The following SGCZ variants were observed in gnomAD, a reference collection of about 807,000 sequenced individuals.
The protein encoded by SGCZ is sarcoglycan zeta.
SGCZ carries 40 observed loss-of-function variants against 41.3 expected under a neutral mutation model. The observed-to-expected ratio is 0.97, with a 90% CI of 0.75 to 1.26. The LOEUF is 1.26. Among genes scored for constraint, SGCZ ranks in the 50% most tolerant of loss-of-function variants. The probability of loss-of-function intolerance (pLI) is 0.00; values close to 1 mark genes in which losing one functional copy is unlikely to be tolerated. For missense variants in SGCZ, 552 were observed against 369.8 expected (o/e 1.49, Z -4.04); for synonymous variants, 206 against 137.5 (o/e 1.50, Z -3.49).
intron 1 of SGCZ, among the ~76,000 whole-genome samples, chr8:14,792,417 C>T (rs1380599190): frequency 2.0e-5 from 3 of 152,068 alleles, no homozygotes; most frequent in African/African-American, 4.8e-5. Context: ...TCTTTAGAAA[C>T]ATCAACTCTC....
chr8:14,401,820 G>A (rs1231284101), intron 2 of SGCZ, among the ~76,000 whole-genome samples: 1 of 150,766 alleles, frequency 6.6e-6, no homozygotes, highest in Non-Finnish European at 1.5e-5. Context: ...GGATGGCTGG[G>A]TCAAATGGTA....
chr8:14,608,076 C>T (rs1032648239), intron 1 of SGCZ, among the ~76,000 whole-genome samples: 7 of 152,098 alleles, frequency 4.6e-5, no homozygotes, highest in Non-Finnish European at 7.4e-5. Context: ...ATCCTTACTC[C>T]TATGTCCCTT....
At chr8:14,242,945 C>T (rs1798943543) in intron 3 of SGCZ, among the ~76,000 whole-genome samples, 1 of 152,128 alleles carries the variant, frequency 6.6e-6, no homozygotes, top group Admixed American at 6.5e-5. Context: ...CTAAAAGAAA[C>T]ATCTTATACT....
chr8:14,957,414 T>C (rs1800825428), intron 1 of SGCZ, among the ~76,000 whole-genome samples: 1 of 152,086 alleles, frequency 6.6e-6, no homozygotes, highest in Admixed American at 6.6e-5. Flanking sequence ...ATAAAACTTA[T>C]GGTAAATATA....
At chr8:15,028,267 C>T (rs936539507) in intron 1 of SGCZ, among the ~76,000 whole-genome samples, 6 of 152,084 alleles carry the variant, frequency 3.9e-5, no homozygotes, top group Admixed American at 2.6e-4. Flanking sequence ...CCGTAGCTTT[C>T]GTGAAGGCTA....
Position 14,308,582 on chromosome 8 carries a change from C to G in SGCZ, c.336+15521G>C, listed in dbSNP as rs11991414. On this transcript the variant is annotated intron_variant, in intron 3 of 7. Transcript: ENST00000382080. ...CTTTATACTGCTTGTGTTTGTTTTTCTATGATTTTATTTAAGAAACAATGC... is the reference window on the plus strand; with the variant it reads ...CTTTATACTGCTTGTGTTTGTTTTTGTATGATTTTATTTAAGAAACAATGC... Among the ~76,000 whole-genome samples, 396 of 151,762 alleles carry G rather than the reference C, an allele frequency of 2.6e-3. 3 individuals carry two copies. The highest frequency in any genetic ancestry group is 9.1e-3 in the African/African-American group (376 of 41,404).
chr8:14,346,558 T>A (rs1186548192), intron 2 of SGCZ, among the ~76,000 whole-genome samples: 2 of 152,054 alleles, frequency 1.3e-5, no homozygotes, highest in African/African-American at 2.4e-5. Context: ...TTAGAAATAT[T>A]TTAAAAGTAG....
chr8:14,597,838 A>G lies in SGCZ; in HGVS notation c.40-42912T>C, dbSNP rs183622637. Among the ~76,000 whole-genome samples, 474 of 152,296 alleles carry G rather than the reference A, an allele frequency of 3.1e-3. 4 individuals carry two copies. Among genetic ancestry groups the G allele is most frequent in the African/African-American group, 0.01 (419 of 41,560 alleles). On this transcript the variant is annotated intron_variant, in intron 1 of 7. Coordinates refer to ENST00000382080, the MANE Select transcript of SGCZ (RefSeq NM_139167.4). ...GACTCAACCATGAGCACCACAATGTATAACAGTAGAACTGTACAGTCATGT... is the reference window on the plus strand; with the variant it reads ...GACTCAACCATGAGCACCACAATGTGTAACAGTAGAACTGTACAGTCATGT...
intron 1 of SGCZ, among the ~76,000 whole-genome samples, chr8:14,705,593 G>C (rs1403785642): frequency 6.6e-6 from 1 of 151,854 alleles, no homozygotes; most frequent in African/African-American, 2.4e-5. Flanking sequence ...TATTTTCCTA[G>C]AGAATTATTA....
At chr8:14,413,272 G>C (rs1799409273) in intron 2 of SGCZ, among the ~76,000 whole-genome samples, 1 of 151,938 alleles carries the variant, frequency 6.6e-6, no homozygotes, top group Non-Finnish European at 1.5e-5. Context: ...AAAGGGTACA[G>C]GTTATTCTCA....
chr8:14,546,080 G>A (rs556562831), intron 2 of SGCZ, among the ~76,000 whole-genome samples: 2 of 152,268 alleles, frequency 1.3e-5, no homozygotes, highest in East Asian at 3.9e-4. Flanking sequence ...AGAAAATCAT[G>A]AGGAGCTGCA....
intron 1 of SGCZ, among the ~76,000 whole-genome samples, chr8:14,609,377 A>C (rs1450770033): frequency 6.6e-6 from 1 of 152,196 alleles, no homozygotes; most frequent in Non-Finnish European, 1.5e-5. Flanking sequence ...GTTTCCAAGT[A>C]ATCTATCTGT....
intron 1 of SGCZ, among the ~76,000 whole-genome samples, chr8:14,721,452 C>T (rs1809884552): frequency 6.6e-6 from 1 of 152,180 alleles, no homozygotes; most frequent in Non-Finnish European, 1.5e-5. Flanking sequence ...GTAAAGGCAA[C>T]TTTGTCCTTC....
intron 1 of SGCZ, among the ~76,000 whole-genome samples, chr8:14,666,617 G>A (rs1435798549): frequency 1.3e-5 from 2 of 151,066 alleles, no homozygotes; most frequent in Non-Finnish European, 2.9e-5. Context: ...AACTGAGAAG[G>A]AGAGCACAAG....
chr8:14,702,680 G>C (rs1585194151), intron 1 of SGCZ, among the ~76,000 whole-genome samples: 1 of 151,488 alleles, frequency 6.6e-6, no homozygotes, highest in Admixed American at 6.6e-5. Flanking sequence ...GGTCACTGAT[G>C]ACTTTCTCTC....
intron 1 of SGCZ, among the ~76,000 whole-genome samples, chr8:15,017,784 G>A (rs1424711331): frequency 1.3e-5 from 2 of 152,172 alleles, no homozygotes; most frequent in African/African-American, 4.8e-5. Flanking sequence ...GGGATTTCAG[G>A]TGTGAGCCGT....
chr8:14,344,107 T>C (rs1802807481), intron 2 of SGCZ, among the ~76,000 whole-genome samples: 1 of 152,104 alleles, frequency 6.6e-6, no homozygotes, highest in Admixed American at 6.5e-5. Context: ...AGCGAGAGAT[T>C]GGGAACTGCT....
chr8:14,702,819 A>AGATAGATAGACAGAT (rs970473598), intron 1 of SGCZ, among the ~76,000 whole-genome samples: 4 of 7,864 alleles, frequency 5.1e-4, no homozygotes, highest in Non-Finnish European at 1.2e-3. Context: ...TTAGGTAGAT[A>AGATAGATAGACAGAT]GATAGATAGA....
In SGCZ at chr8:15,055,007, C is replaced by T. The variant is rs189884284; in HGVS notation, c.39+182578G>A. ...ACTCCATTTTGCAATGGCTGCCATCCCAGTTTGTATATGAACATGTCACTT... is the reference window on the plus strand; with the variant it reads ...ACTCCATTTTGCAATGGCTGCCATCTCAGTTTGTATATGAACATGTCACTT... On this transcript the variant is annotated intron_variant, in intron 1 of 7. Coordinates refer to ENST00000382080, the MANE Select transcript of SGCZ (RefSeq NM_139167.4). Among the ~76,000 whole-genome samples the T allele has an allele frequency of 2.3e-3, 343 of 152,018 alleles. 3 individuals are homozygous for T. Among genetic ancestry groups the T allele is most frequent in the Non-Finnish European group, 3.8e-3 (259 of 67,976 alleles).
Sources: gnomAD v4.1 joint callset for allele counts (sites outside exome capture counted in the v4.1 genomes callset) on GRCh38, gnomAD v4.1.1 for gene constraint, MANE v1.5 for transcripts, NCBI Gene and HGNC (gene_info 2026-07-23, HGNC 2026-07-21) for gene names.